The following RAD54L2 variants were observed in gnomAD, a reference collection of about 807,000 sequenced individuals.
RAD54L2 encodes the protein helicase ARIP4.
Under a neutral mutation model 138.4 loss-of-function variants are expected in RAD54L2, and 27 were observed. The observed-to-expected ratio is 0.20, with a 90% CI of 0.14 to 0.27. RAD54L2 has a LOEUF of 0.27. Ranked by LOEUF, RAD54L2 falls within the 10% of genes least tolerant of loss-of-function variation. RAD54L2 has a pLI of 1.00. For missense variants in RAD54L2, 1,396 were observed against 1,890.2 expected (o/e 0.74, Z 4.85); for synonymous variants, 644 against 723.2 (o/e 0.89, Z 1.76).
At chr3:51,656,944 C>T (rs2106847862) in intron 20 of RAD54L2, among the ~76,000 whole-genome samples, 1 of 152,166 alleles carries the variant, frequency 6.6e-6, no homozygotes, top group South Asian at 2.1e-4. Flanking sequence ...ACCATGTTGC[C>T]CAGGCTGGTT....
intron 19 of RAD54L2, among the ~76,000 whole-genome samples, chr3:51,650,849 C>T (rs146732304): frequency 8.5e-4 from 129 of 152,176 alleles, no homozygotes; most frequent in African/African-American, 3.0e-3. Flanking sequence ...TATCTAAAAT[C>T]AACACCCTAA....
intron 19 of RAD54L2, 22 bp from the exon 20 acceptor site, chr3:51,655,949 T>C: frequency 1.3e-6 from 2 of 1,577,690 alleles, no homozygotes; most frequent in Non-Finnish European, 1.7e-6. Context: ...ACTCTTTTAG[T>C]GTCCTTGTCT....
chr3:51,595,436 G>C (rs897901866), intron 3 of RAD54L2, among the ~76,000 whole-genome samples: 2 of 152,198 alleles, frequency 1.3e-5, no homozygotes, highest in African/African-American at 4.8e-5. Flanking sequence ...AAAAGCCCAG[G>C]AAGATCATGA....
Position 51,629,363 on chromosome 3 carries a change from C to T in RAD54L2, c.371C>T (p.Pro124Leu), listed in dbSNP as rs1169631013. ...CTACTCCGGGAGGATCAATTGGAGC[C>T]TGTTACCAAAGCAGCACAGCAAGAA... Reference protein sequence around the residue: ...RKLLREDQLEPVTKAAQQEEL... With the variant: ...RKLLREDQLELVTKAAQQEEL... The change falls in exon 5 of 23, where the codon CCT becomes CTT. Residue 124 changes from proline to leucine, a missense_variant. Transcript: ENST00000684192. The T allele has an allele frequency of 1.3e-5, 20 of 1,596,476 alleles. No homozygotes were observed. The highest frequency in any genetic ancestry group is 2.7e-5 in the African/African-American group (2 of 74,618).
rs1701906540 is a variant in RAD54L2, at chr3:51,666,174, C to CTTTTTTGTTTT, written c.*2760_*2761insGTTTTTTTTTT. The CTTTTTTGTTTT allele has an allele frequency of 1.7e-5, 1 of 58,706 alleles. No individual in the cohort carries two copies. The highest frequency in any genetic ancestry group is 2.8e-5 in the Non-Finnish European group (1 of 36,318). The allele number at this position is 58,706 out of a possible 1,614,324, so 3.6% of individuals were successfully genotyped here. Reference sequence around the variant, plus strand: ...AGTGCTACCAGGTCCATGGTTTTTGCTTTTTTTTTTTTTTTTTTTTTTTTT... The same window carrying CTTTTTTGTTTT: ...AGTGCTACCAGGTCCATGGTTTTTGCTTTTTTGTTTTTTTTTTTTTTTTTTTTTTTTTTTTT... On this transcript the variant is annotated 3_prime_UTR_variant, in exon 23 of 23. Coordinates refer to ENST00000684192, the MANE Select transcript of RAD54L2 (RefSeq NM_015106.4).
intron 2 of RAD54L2, among the ~76,000 whole-genome samples, chr3:51,553,512 G>C (rs992836607): frequency 2.0e-5 from 3 of 152,012 alleles, no homozygotes; most frequent in Admixed American, 6.6e-5. Context: ...CACATTTTTT[G>C]GTTTCCCAGT....
At chr3:51,634,141 G>A (rs1315381566) in intron 9 of RAD54L2, 106 bp downstream of exon 9, 1 of 1,394,554 alleles carries the variant, frequency 7.2e-7, no homozygotes, top group Non-Finnish European at 9.6e-7. Flanking sequence ...ATCTAGATTT[G>A]TTTTTGGTTT....
At chr3:51,614,752 A>G (rs988597624) in intron 3 of RAD54L2, among the ~76,000 whole-genome samples, 4 of 152,058 alleles carry the variant, frequency 2.6e-5, no homozygotes, top group Admixed American at 6.5e-5. Context: ...GGCTCAAGCA[A>G]TCTTCCTCTC....
intron 2 of RAD54L2, among the ~76,000 whole-genome samples, chr3:51,558,908 C>G (rs1458677384): frequency 6.6e-6 from 1 of 151,836 alleles, no homozygotes; most frequent in African/African-American, 2.4e-5. Flanking sequence ...CGGAGTCTCA[C>G]TCTTGCCCAG....
chr3:51,639,948 T>G lies in RAD54L2; in HGVS notation c.2180T>G (p.Phe727Cys). 6.2e-7 allele frequency: 1 copy of G among 1,612,512 alleles called. No individual in the cohort carries two copies. The highest frequency in any genetic ancestry group is 8.5e-7 in the Non-Finnish European group (1 of 1,178,906). The change falls in exon 14 of 23, where the codon TTC (phenylalanine) becomes TGC (cysteine). Residue 727 changes from phenylalanine (F) to cysteine (C), a missense_variant. Around this residue, in one of 7 missense-constraint regions of RAD54L2, gnomAD observed 211 missense variants for 273.8 expected, o/e 0.77. Coordinates refer to ENST00000684192, the MANE Select transcript of RAD54L2 (RefSeq NM_015106.4). ...AACTCTCCCAAGATGGTACTGCTTT[T>G]CCACCTGATTGAGGAAAGTGTGAAG... Reference protein sequence around the residue: ...LENSPKMVLLFHLIEESVKLG... With the variant: ...LENSPKMVLLCHLIEESVKLG...
intron 2 of RAD54L2, among the ~76,000 whole-genome samples, chr3:51,562,443 T>G (rs1699121368): frequency 6.6e-6 from 1 of 152,192 alleles, no homozygotes; most frequent in African/African-American, 2.4e-5. Flanking sequence ...TTGGCCAGGC[T>G]GGTTTTGAAC....
intron 2 of RAD54L2, among the ~76,000 whole-genome samples, chr3:51,576,979 T>G (rs1046833558): frequency 6.6e-6 from 1 of 152,234 alleles, no homozygotes; most frequent in Non-Finnish European, 1.5e-5. Context: ...CTTGTGGGCA[T>G]TTAGTGCTAT....
At chr3:51,587,444 A>G (rs1280579063) in intron 2 of RAD54L2, among the ~76,000 whole-genome samples, 2 of 152,188 alleles carry the variant, frequency 1.3e-5, no homozygotes, top group African/African-American at 4.8e-5. Flanking sequence ...CCAGGTCACT[A>G]AGTGAATGGT....
intron 15 of RAD54L2, among the ~76,000 whole-genome samples, chr3:51,642,486 T>C (rs1192325638): frequency 1.3e-5 from 2 of 151,890 alleles, no homozygotes; most frequent in African/African-American, 4.8e-5. Context: ...CATTCCTTAG[T>C]GGGGTGGTAA....
chr3:51,604,577 G>C (rs1267146995), intron 3 of RAD54L2, among the ~76,000 whole-genome samples: 2 of 152,158 alleles, frequency 1.3e-5, no homozygotes, highest in Admixed American at 1.3e-4. Flanking sequence ...GGCTTTGTGA[G>C]GTAAATGTCC....
intron 19 of RAD54L2, among the ~76,000 whole-genome samples, chr3:51,648,291 C>CAGA (rs1701337358): frequency 6.6e-6 from 1 of 152,180 alleles, no homozygotes; most frequent in Non-Finnish European, 1.5e-5. Context: ...CAAAGCAGCC[C>CAGA]AGAAGCTCCA....
intron 3 of RAD54L2, among the ~76,000 whole-genome samples, chr3:51,625,735 A>C (rs958484605): frequency 2.0e-5 from 3 of 151,714 alleles, no homozygotes; most frequent in African/African-American, 7.3e-5. Context: ...GATGGCATGC[A>C]CCTGTAGTCC....
In RAD54L2 at chr3:51,638,088, T is replaced by C. The variant is rs1701031803; in HGVS notation, c.1683-56T>C. The C allele has an allele frequency of 6.5e-7, 1 of 1,549,468 alleles. No individual in the cohort carries two copies. The highest frequency in any genetic ancestry group is 8.9e-7 in the Non-Finnish European group (1 of 1,128,912). ...TGCAAAAGGCTCTGTTTTTATCTTG[T>C]GCTGACCCCTCCTGGCCACACTACC... is the stretch of plus-strand genomic sequence containing the variant. On this transcript the variant is annotated intron_variant, in intron 11 of 22. Coordinates refer to ENST00000684192, the MANE Select transcript of RAD54L2 (RefSeq NM_015106.4). The surrounding 1 kb of genome is among the most constrained non-coding windows in gnomAD (Gnocchi z 4.3).
chr3:51,657,802 G>A (rs1701643976), intron 21 of RAD54L2, 133 bp downstream of exon 21: 2 of 612,632 alleles, frequency 3.3e-6, no homozygotes, highest in Non-Finnish European at 5.9e-6. Context: ...TTCCGGAACT[G>A]AATGAGAAAA....
Sources: gnomAD v4.1 joint callset for allele counts (sites outside exome capture counted in the v4.1 genomes callset) on GRCh38, gnomAD v4.1.1 for gene constraint, gnomAD v4.1.1 regional missense constraint, Gnocchi (gnomAD v3.1) non-coding constraint, MANE v1.5 for transcripts, NCBI Gene and HGNC (gene_info 2026-07-23, HGNC 2026-07-21) for gene names.